Variants in DACH2 observed in about 807,000 individuals in gnomAD.
DACH2 encodes the protein dachshund family transcription factor 2, also known as dachshund homolog 2.
Under a neutral mutation model 35.8 loss-of-function variants are expected in DACH2, and 17 were observed. The ratio of observed to expected loss-of-function variants is 0.48; its 90% CI spans 0.33 to 0.71. DACH2 has a LOEUF of 0.71. DACH2 is among the 30% of genes least tolerant of loss of function. The pLI, the probability that DACH2 is intolerant of heterozygous loss-of-function variation, is 0.02. For missense variants in DACH2, 469 were observed against 472.7 expected, an observed-to-expected ratio of 0.99 and a Z score of 0.07; for synonymous variants, 195 against 177.3, an observed-to-expected ratio of 1.10 and a Z score of -0.79.
chrX:86,754,360 A>G (rs2041805949), intron 7 of DACH2, among the ~76,000 whole-genome samples: 1 of 111,279 alleles, frequency 9.0e-6, no homozygotes, highest in South Asian at 3.8e-4. Flanking sequence ...ATAAATGAGG[A>G]TATGGCAATA....
At chrX:86,631,013 T>C (rs973544585) in intron 3 of DACH2, among the ~76,000 whole-genome samples, 1 of 112,231 alleles carries the variant, frequency 8.9e-6, no homozygotes, top group African/African-American at 3.2e-5. Context: ...CAACTTCTAG[T>C]GCTCACATCA....
chrX:86,239,268 A>AT (rs760752898), intron 1 of DACH2, among the ~76,000 whole-genome samples: 1 of 111,563 alleles, frequency 9.0e-6, no homozygotes, highest in African/African-American at 3.3e-5. Context: ...AACTTCGCTG[A>AT]TTTTTTTGTG....
At chrX:86,356,959 A>T (rs982169452) in intron 1 of DACH2, among the ~76,000 whole-genome samples, 10 of 109,884 alleles carry the variant, frequency 9.1e-5, no homozygotes, top group African/African-American at 3.3e-4. Flanking sequence ...TTTCTCCCCT[A>T]CTCTCTGTCT....
chrX:86,303,487 T>C (rs1251100472), intron 1 of DACH2, among the ~76,000 whole-genome samples: 2 of 110,316 alleles, frequency 1.8e-5, no homozygotes, highest in Admixed American at 2.0e-4. Flanking sequence ...TTTAAACAAA[T>C]GGTGCATTTA....
intron 6 of DACH2, among the ~76,000 whole-genome samples, chrX:86,738,081 A>G (rs967058427): frequency 9.0e-6 from 1 of 111,458 alleles, no homozygotes; most frequent in African/African-American, 3.3e-5. Flanking sequence ...TGTCTTCCAC[A>G]GTTTAGAATC....
intron 2 of DACH2, among the ~76,000 whole-genome samples, chrX:86,401,730 A>AG (rs1240860545): frequency 2.3e-4 from 24 of 103,556 alleles, no homozygotes; most frequent in African/African-American, 8.5e-4. Flanking sequence ...AAAAAAAAAG[A>AG]AAAAAAAAAA....
intron 7 of DACH2, among the ~76,000 whole-genome samples, chrX:86,812,047 A>G (rs762974391): frequency 2.0e-4 from 22 of 112,141 alleles, no homozygotes; most frequent in Non-Finnish European, 3.2e-4. Context: ...AACACTGGAA[A>G]CAATCCAAAT....
intron 1 of DACH2, among the ~76,000 whole-genome samples, chrX:86,277,057 T>C (rs2033929310): frequency 8.9e-6 from 1 of 111,807 alleles, no homozygotes; most frequent in Admixed American, 9.5e-5. Flanking sequence ...TTTTTTCTAT[T>C]TCTGTGAAGA....
At chrX:86,441,386 G>A (rs1569400791) in intron 2 of DACH2, among the ~76,000 whole-genome samples, 2 of 110,916 alleles carry the variant, frequency 1.8e-5, no homozygotes, top group African/African-American at 6.6e-5. Flanking sequence ...GTCTTTCTAT[G>A]TCTGGTTTAA....
In DACH2 at chrX:86,194,567, G is replaced by T. The variant is rs111451632; in HGVS notation, c.488+45459G>T. Among the ~76,000 whole-genome samples, 916 of 112,389 alleles carry T rather than the reference G, an allele frequency of 8.2e-3. 4 individuals carry two copies. Among genetic ancestry groups the T allele is most frequent in the African/African-American group, 0.025 (786 of 30,980 alleles). On this transcript the variant is annotated intron_variant, in intron 1 of 11. Coordinates refer to ENST00000373125, the MANE Select transcript of DACH2 (RefSeq NM_053281.3). Reference sequence around the variant, plus strand: ...ATTTCTGGCCTCCAGCAAATCCAGAGGAATGAATGAATTGAACTGACAAGG... The same window carrying T: ...ATTTCTGGCCTCCAGCAAATCCAGATGAATGAATGAATTGAACTGACAAGG...
At chrX:86,770,710 AT>A (rs1372794304) in intron 7 of DACH2, among the ~76,000 whole-genome samples, 1 of 111,997 alleles carries the variant, frequency 8.9e-6, no homozygotes, top group Non-Finnish European at 1.9e-5. Flanking sequence ...TAACCAAATA[AT>A]TAATTCAACA....
chrX:86,689,701 A>G (rs1305303108), intron 4 of DACH2, among the ~76,000 whole-genome samples: 3 of 111,994 alleles, frequency 2.7e-5, no homozygotes, highest in African/African-American at 9.7e-5. Context: ...ATATTTTCAA[A>G]TAATCTGACT....
chrX:86,562,840 T>C (rs2039242275), intron 3 of DACH2, among the ~76,000 whole-genome samples: 1 of 111,774 alleles, frequency 8.9e-6, no homozygotes, highest in African/African-American at 3.2e-5. Context: ...CTGTATTGCA[T>C]CATGAACGCA....
chrX:86,190,024 C>T (rs897454999), intron 1 of DACH2, among the ~76,000 whole-genome samples: 6 of 109,273 alleles, frequency 5.5e-5, no homozygotes, highest in Admixed American at 2.0e-4. Flanking sequence ...ATTAGCCAGG[C>T]GTGGTGGCAT....
rs192029792 is a variant in DACH2 at position 86,230,381 on chromosome X, G to A, written c.488+81273G>A. On this transcript the variant is annotated intron_variant, in intron 1 of 11. Coordinates refer to ENST00000373125, the MANE Select transcript of DACH2 (RefSeq NM_053281.3). The stretch of plus-strand genomic sequence containing the variant: ...TGTTTTTTGATATGTTGTTGGATTC[G>A]GTTAGCTAGTATTTTGTTAAGGATT... Among the ~76,000 whole-genome samples, 5 of 110,760 alleles carry A rather than the reference G, an allele frequency of 4.5e-5. No homozygotes were observed. The East Asian group carries it at 1.1e-3, about 25-fold the overall frequency.
At chrX:86,422,801 A>T (rs1011348155) in intron 2 of DACH2, among the ~76,000 whole-genome samples, 6 of 109,799 alleles carry the variant, frequency 5.5e-5, no homozygotes, top group Non-Finnish European at 1.1e-4. Context: ...AACCATCCCC[A>T]CCTCCCCCAA....
chrX:86,546,381 T>TTCC (rs2038962840), intron 3 of DACH2, among the ~76,000 whole-genome samples: 1 of 71,093 alleles, frequency 1.4e-5, no homozygotes, highest in East Asian at 4.3e-4. Context: ...CTTCTTCTTC[T>TTCC]TCTTCTTCTT....
At chrX:86,710,980 A>G (rs1422336399) in intron 5 of DACH2, among the ~76,000 whole-genome samples, 1 of 112,203 alleles carries the variant, frequency 8.9e-6, no homozygotes, top group African/African-American at 3.2e-5. Context: ...GGATTTAGAT[A>G]GAGGATTACT....
chrX:86,480,395 C>T lies in DACH2; in HGVS notation c.528-33884C>T, dbSNP rs1038118711. Among the ~76,000 whole-genome samples the T allele has an allele frequency of 3.6e-5, 4 of 111,992 alleles. No homozygotes were observed. The East Asian group carries it at 1.1e-3, about 32-fold the overall frequency. On this transcript the variant is annotated intron_variant, in intron 2 of 11. Coordinates refer to ENST00000373125, the MANE Select transcript of DACH2 (RefSeq NM_053281.3). ...GATACAAGCACCCCTTTGGCCACCA[C>T]CACTGGGATTGTGCTGGGTTAGACC... is the stretch of plus-strand genomic sequence containing the variant.
Sources: gnomAD v4.1 joint callset for allele counts (sites outside exome capture counted in the v4.1 genomes callset) on GRCh38, gnomAD v4.1.1 for gene constraint, MANE v1.5 for transcripts, NCBI Gene and HGNC (gene_info 2026-07-23, HGNC 2026-07-21) for gene names.